The following ABCA13 variants were observed in gnomAD, a reference collection of about 807,000 sequenced individuals.
ABCA13 encodes the protein ATP-binding cassette sub-family A member 13.
A neutral mutation model predicts 478.7 loss-of-function variants in ABCA13; 476 were observed. The observed-to-expected ratio is 0.99, with a 90% CI of 0.92 to 1.07. The LOEUF (loss-of-function observed/expected upper bound fraction) is 1.07. Among genes scored for constraint, ABCA13 ranks in the 50% least tolerant of loss-of-function variants. The pLI, the probability that ABCA13 is intolerant of heterozygous loss-of-function variation, is 0.00. For synonymous variants in ABCA13, 2,252 were observed against 2,158.9 expected (o/e 1.04, Z -1.20); for missense variants, 6,060 against 5,910.6 (o/e 1.03, Z -0.83).
Position 48,476,872 on chromosome 7 carries a change from C to T in ABCA13, c.12976-4164C>T, listed in dbSNP as rs943863344. ...GAAAGGAAAGAGAAAGAAAACATTT[C>T]GAGGCTATAAGTTTATCTCAGAGCT... On this transcript the variant is annotated intron_variant, in intron 45 of 61. Coordinates refer to ENST00000435803, the MANE Select transcript of ABCA13 (RefSeq NM_152701.5). 5.9e-5 allele frequency among the ~76,000 whole-genome samples: 9 copies of T among 152,070 alleles called. No individual in the cohort carries two copies. In the South Asian group the frequency reaches 8.3e-4, roughly 14 times the overall value.
At chr7:48,486,483 T>C (rs940189844) in intron 47 of ABCA13, among the ~76,000 whole-genome samples, 8 of 152,258 alleles carry the variant, frequency 5.3e-5, no homozygotes, top group Admixed American at 5.2e-4. Context: ...TTATTATTTT[T>C]CCCCAGTATT....
intron 55 of ABCA13, among the ~76,000 whole-genome samples, chr7:48,533,403 T>C (rs1026416360): frequency 6.6e-6 from 1 of 152,112 alleles, no homozygotes; most frequent in African/African-American, 2.4e-5. Context: ...CTCAGACTTG[T>C]TTTGTGTCCT....
chr7:48,171,676 G>A, intron 1 of ABCA13, 124 bp downstream of exon 1: 1 of 1,097,056 alleles, frequency 9.1e-7, no homozygotes, highest in Non-Finnish European at 1.3e-6. Context: ...GGGAATTTGG[G>A]GAGGTTGGAT....
chr7:48,446,037 CAA>C (rs1824255310), intron 42 of ABCA13, among the ~76,000 whole-genome samples: 1 of 152,070 alleles, frequency 6.6e-6, no homozygotes, highest in Admixed American at 6.5e-5. Context: ...CTGATGTGGC[CAA>C]CTGATGTGGT....
intron 8 of ABCA13, among the ~76,000 whole-genome samples, chr7:48,236,828 C>T (rs1025122190): frequency 1.3e-5 from 2 of 152,164 alleles, no homozygotes; most frequent in African/African-American, 4.8e-5. Context: ...GGAACATTGC[C>T]TGCTTCCCAC....
chr7:48,314,253 A>T lies in ABCA13; in HGVS notation c.9703A>T (p.Arg3235Ter). 1.9e-6 allele frequency: 3 copies of T among 1,613,280 alleles called. No homozygotes were observed. Among genetic ancestry groups the T allele is most frequent in the Non-Finnish European group, 2.5e-6 (3 of 1,179,776 alleles). The change falls in exon 26 of 62, where the codon AGA (arginine) becomes TGA (stop). Residue 3235 changes from arginine to a stop codon, truncating the protein, a stop_gained. Transcript: ENST00000435803. LOFTEE classifies it high-confidence loss of function. ...FQQVSQNVQA[R>*]SSAFGSFQFV... ...TCAGGTTTCACAAAATGTCCAGGCCAGAAGTTCAGCTTTTGGTTCTTTCCA... is the reference window on the plus strand; with the variant it reads ...TCAGGTTTCACAAAATGTCCAGGCCTGAAGTTCAGCTTTTGGTTCTTTCCA...
At chr7:48,286,672 T>G (rs1414105112) in intron 19 of ABCA13, among the ~76,000 whole-genome samples, 1 of 151,898 alleles carries the variant, frequency 6.6e-6, no homozygotes, top group African/African-American at 2.4e-5. Flanking sequence ...GCCCGGTTAA[T>G]TTTTGTATTT....
intron 20 of ABCA13, among the ~76,000 whole-genome samples, chr7:48,288,303 T>G (rs1055540162): frequency 9.2e-5 from 14 of 152,162 alleles, no homozygotes; most frequent in African/African-American, 2.7e-4. Context: ...AGAGATCGGA[T>G]TGTTAAATTT....
chr7:48,390,926 C>T (rs1019601546), intron 37 of ABCA13, among the ~76,000 whole-genome samples: 8 of 152,216 alleles, frequency 5.3e-5, no homozygotes, highest in African/African-American at 9.6e-5. Flanking sequence ...TGTCGGCACA[C>T]ATTTAATTTC....
intron 19 of ABCA13, among the ~76,000 whole-genome samples, chr7:48,286,792 C>T (rs964623633): frequency 2.0e-5 from 3 of 152,098 alleles, no homozygotes; most frequent in Non-Finnish European, 4.4e-5. Context: ...CGTGAGCCAC[C>T]GTGCCTGGCT....
intron 43 of ABCA13, among the ~76,000 whole-genome samples, chr7:48,465,484 T>C (rs1430195397): frequency 6.6e-6 from 1 of 151,554 alleles, no homozygotes; most frequent in African/African-American, 2.4e-5. Flanking sequence ...GAGAAATCAG[T>C]GGTTACAGAT....
At chr7:48,608,026 G>A (rs538303478) in intron 58 of ABCA13, among the ~76,000 whole-genome samples, 8 of 151,990 alleles carry the variant, frequency 5.3e-5, no homozygotes, top group Non-Finnish European at 1.0e-4. Context: ...GATTACAGGC[G>A]CCTGCCACCA....
At chr7:48,534,061 A>G (rs1040522507) in intron 55 of ABCA13, among the ~76,000 whole-genome samples, 2 of 151,822 alleles carry the variant, frequency 1.3e-5, no homozygotes, top group Non-Finnish European at 2.9e-5. Context: ...TTATTGTTAT[A>G]TAGGTCCTGT....
At chr7:48,398,947 G>A (rs775712756) in intron 38 of ABCA13, among the ~76,000 whole-genome samples, 4 of 152,166 alleles carry the variant, frequency 2.6e-5, no homozygotes, top group Non-Finnish European at 4.4e-5. Flanking sequence ...TGGTGAGGGT[G>A]TGATCAGACC....
chr7:48,502,380 A>G (rs944084898), intron 48 of ABCA13, among the ~76,000 whole-genome samples: 1 of 152,252 alleles, frequency 6.6e-6, no homozygotes, highest in Non-Finnish European at 1.5e-5. Flanking sequence ...ATCTTTCAGC[A>G]GTGACTGTCA....
chr7:48,216,016 G>A (rs566461637), intron 3 of ABCA13, among the ~76,000 whole-genome samples: 40 of 152,192 alleles, frequency 2.6e-4, no homozygotes, highest in African/African-American at 7.9e-4. Flanking sequence ...TTCCTCTGTC[G>A]AAGTACATTT....
intron 3 of ABCA13, among the ~76,000 whole-genome samples, chr7:48,200,810 C>T (rs976182883): frequency 1.3e-5 from 2 of 152,160 alleles, no homozygotes; most frequent in Non-Finnish European, 2.9e-5. Flanking sequence ...GAAGTTCAAG[C>T]CCATAAATAA....
At position 48,391,946 on chromosome 7, in the gene ABCA13, C is replaced by T. The variant is rs140481720; in HGVS notation, c.11680C>T (p.Pro3894Ser). Residue 3894 changes from proline (P) to serine (S), a missense_variant, in exon 38 of 62, where the codon CCC becomes TCC. Physicochemically the swap from Pro to Ser is moderately conservative, Grantham distance 74. This residue lies in a region of ABCA13 where 1,627 missense variants were observed against 1,571.0 expected (regional missense o/e 1.04). Coordinates refer to ENST00000435803, the MANE Select transcript of ABCA13 (RefSeq NM_152701.5). ...ATCCATGTTGACGGGGCTCCACCCTCCCACTTCTGGAACCATCATCATCAA... is the reference window on the plus strand; with the variant it reads ...ATCCATGTTGACGGGGCTCCACCCTTCCACTTCTGGAACCATCATCATCAA... ...IISMLTGLHP[P>S]TSGTIIINGK... 1.0e-4 allele frequency: 164 copies of T among 1,613,942 alleles called. No individual in the cohort carries two copies. In the African/African-American group the frequency reaches 1.9e-3, roughly 18 times the overall value.
intron 1 of ABCA13, among the ~76,000 whole-genome samples, chr7:48,174,549 A>G (rs967675548): frequency 3.9e-5 from 6 of 152,158 alleles, no homozygotes; most frequent in Non-Finnish European, 8.8e-5. Flanking sequence ...ACCTAACTCT[A>G]TAGATTGTTA....
Sources: gnomAD v4.1 joint callset for allele counts (sites outside exome capture counted in the v4.1 genomes callset) on GRCh38, gnomAD v4.1.1 for gene constraint, gnomAD v4.1.1 regional missense constraint, MANE v1.5 for transcripts, NCBI Gene and HGNC (gene_info 2026-07-23, HGNC 2026-07-21) for gene names.